The following MPP1 variants were observed in gnomAD, a reference collection of about 807,000 sequenced individuals.
The protein encoded by MPP1 is MAGUK p55 scaffold protein 1.
A neutral mutation model predicts 38.2 loss-of-function variants in MPP1; 6 were observed. That is an observed-to-expected ratio of 0.16 (90% CI 0.09 to 0.31). The LOEUF is 0.31. Among genes scored for constraint, MPP1 ranks in the 10% least tolerant of loss-of-function variants. The probability of loss-of-function intolerance (pLI) is 1.00; values close to 1 mark genes in which losing one functional copy is unlikely to be tolerated. For synonymous variants in MPP1, 153 were observed against 146.3 expected, an observed-to-expected ratio of 1.05 and a Z score of -0.33; for missense variants, 293 against 368.9, an observed-to-expected ratio of 0.79 and a Z score of 1.69.
rs782635278 is a variant in MPP1, at chrX:154,779,233, C to T, written c.1345G>A (p.Ala449Thr). 1 of 1,211,780 alleles carries T rather than the reference C, an allele frequency of 8.3e-7. No individual in the cohort carries two copies. The highest frequency in any genetic ancestry group is 1.1e-6 in the Non-Finnish European group (1 of 895,505). The change falls in exon 12 of 12, where the codon GCC (alanine) becomes ACC (threonine). Residue 449 changes from alanine (A) to threonine (T), a missense_variant. Ala to Thr is a moderately conservative substitution (Grantham distance 58). Transcript: ENST00000369534. ...VDETLKKLQE[A>T]FDQACSSPQW... is the part of the protein sequence containing the mutation. ...GGAGAACTGCACGCTTGGTCGAAGG[C>T]TTCTTGTAATTTCTTAAGGGTTTCA...
chrX:154,794,247 TAC>T (rs1557267984), intron 1 of MPP1, among the ~76,000 whole-genome samples: 1 of 111,619 alleles, frequency 9.0e-6, no homozygotes, highest in Non-Finnish European at 1.9e-5. Flanking sequence ...TGGCTACTGC[TAC>T]ACCACTCCAT....
chrX:154,789,842 T>C (rs2072120178), intron 5 of MPP1, 112 bp downstream of exon 5: 3 of 510,451 alleles, frequency 5.9e-6, no homozygotes, highest in Non-Finnish European at 6.5e-6. Flanking sequence ...ACTTGCGAGA[T>C]ACTTAGAACT....
chrX:154,779,370 C>T lies in MPP1; in HGVS notation c.1225-17G>A. On this transcript the variant is annotated splice_polypyrimidine_tract_variant and intron_variant, in intron 11 of 11. Coordinates refer to ENST00000369534, the MANE Select transcript of MPP1 (RefSeq NM_002436.4). ...GGCTTCTGTCTGCAAAGAAGAAAGC[C>T]ACAGATGAAGCAAGCTGCACCACCC... The T allele has an allele frequency of 8.4e-7, 1 of 1,197,455 alleles. No individual in the cohort carries two copies. Among genetic ancestry groups the T allele is most frequent in the East Asian group, 3.0e-5 (1 of 33,719 alleles).
chrX:154,804,712 G>T lies in MPP1; in HGVS notation c.102+560C>A, dbSNP rs185393893. 4.3e-4 allele frequency: 148 copies of T among 340,670 alleles called. 1 individual carries two copies. The highest frequency in any genetic ancestry group is 3.6e-3 in the African/African-American group (135 of 37,660). 28.1% of individuals were successfully genotyped at this position (340,670 alleles called of 1,213,427 possible). The stretch of plus-strand genomic sequence containing the variant: ...CACAACCTACCCTTAGGGCATCTTT[G>T]AGGACGGAGGTTAATAGCTATTTAC... On this transcript the variant is annotated intron_variant, in intron 1 of 11. Transcript: ENST00000369534.
chrX:154,789,050 G>A (rs1243727072), intron 5 of MPP1, among the ~76,000 whole-genome samples: 6 of 111,556 alleles, frequency 5.4e-5, no homozygotes, highest in African/African-American at 1.6e-4. Flanking sequence ...GTGAGGGGGC[G>A]GCGGTCTTAG....
intron 1 of MPP1, among the ~76,000 whole-genome samples, chrX:154,796,158 T>A (rs782555313): frequency 4.6e-4 from 50 of 107,807 alleles, no homozygotes; most frequent in African/African-American, 1.6e-3. Context: ...TGAGAAAGAG[T>A]CTCACTCTGT....
chrX:154,796,637 T>C (rs1421834724), intron 1 of MPP1, among the ~76,000 whole-genome samples: 1 of 112,259 alleles, frequency 8.9e-6, no homozygotes, highest in Non-Finnish European at 1.9e-5. Context: ...CCAGTTATAA[T>C]AATCTAAAAA....
rs879979471 is a variant in MPP1 at position 154,783,361 on chromosome X, G to A, written c.946+66C>T. On this transcript the variant is annotated intron_variant, in intron 9 of 11. Transcript: ENST00000369534. ...TTAAAAAATAATAAAATAACACTAT[G>A]GTATTTCAGATGGCGAGTGGTACCA... is the stretch of plus-strand genomic sequence containing the variant. 3 of 598,380 alleles carry A rather than the reference G, an allele frequency of 5.0e-6. No homozygotes were observed. The South Asian group carries it at 1.3e-4, about 25-fold the overall frequency. 49.3% of individuals were successfully genotyped at this position (598,380 alleles called of 1,213,427 possible).
At position 154,783,452 on chromosome X, in the gene MPP1, C is replaced by T. The variant is rs1557266850; in HGVS notation, c.921G>A (p.Pro307=). ...ATGGGACAGGGTACACAAACTTCTC[C>T]GGATTCTGGCTGAGCAGGGCATTCT... ...HIKNALLSQN[P]EKFVYPVPYT... The change falls in exon 9 of 12, where the codon CCG becomes CCA. Residue 307 remains proline (P), a synonymous_variant. Coordinates refer to ENST00000369534, the MANE Select transcript of MPP1 (RefSeq NM_002436.4). 9.1e-6 allele frequency: 11 copies of T among 1,208,165 alleles called. No homozygotes were observed. The highest frequency in any genetic ancestry group is 5.9e-5 in the East Asian group (2 of 33,779).
In MPP1 at chrX:154,805,408, G is replaced by A. The variant is rs782495222; in HGVS notation, c.-35C>T. ...GCTGGAACACTGGAACGCAAGACAG[G>A]GCAGCGCTGGGAATGACAGGGCCCG... On this transcript the variant is annotated 5_prime_UTR_variant, in exon 1 of 12. Coordinates refer to ENST00000369534, the MANE Select transcript of MPP1 (RefSeq NM_002436.4). 6.1e-6 allele frequency: 7 copies of A among 1,143,722 alleles called. No individual in the cohort carries two copies. Among genetic ancestry groups the A allele is most frequent in the Non-Finnish European group, 7.1e-6 (6 of 849,274 alleles). The allele number at this position is 1,143,722 out of a possible 1,213,427, so 94.3% of individuals were successfully genotyped here.
chrX:154,780,716 C>T (rs1246523705), intron 11 of MPP1, among the ~76,000 whole-genome samples: 2 of 111,408 alleles, frequency 1.8e-5, no homozygotes, highest in East Asian at 2.8e-4. Flanking sequence ...GAAGACCAAG[C>T]AGCTATAGAG....
intron 1 of MPP1, among the ~76,000 whole-genome samples, chrX:154,798,788 G>A (rs782368333): frequency 5.4e-5 from 6 of 111,560 alleles, no homozygotes; most frequent in African/African-American, 1.6e-4. Flanking sequence ...AGGCTGGAGT[G>A]CAATGGCACG....
chrX:154,791,066 AGCC>A lies in MPP1; in HGVS notation c.326-1_327del. ...AGGATCTCATCCCCCACGTGAAGGG[AGCC>A]TGCCATGAAATGAAAAATCAATCCA... is the stretch of plus-strand genomic sequence containing the variant. On this transcript the variant is annotated splice_acceptor_variant and coding_sequence_variant, in exon 4 of 12. Coordinates refer to ENST00000369534, the MANE Select transcript of MPP1 (RefSeq NM_002436.4). LOFTEE classifies it high-confidence loss of function. 1 of 1,206,777 alleles carries A rather than the reference AGCC, an allele frequency of 8.3e-7. No individual in the cohort carries two copies. The highest frequency in any genetic ancestry group is 1.1e-6 in the Non-Finnish European group (1 of 892,378).
At chrX:154,792,625 G>T (rs1973263518) in intron 1 of MPP1, among the ~76,000 whole-genome samples, 1 of 110,900 alleles carries the variant, frequency 9.0e-6, no homozygotes, top group South Asian at 3.8e-4. Context: ...CCTGGATCCT[G>T]CTTGGGGTAT....
Position 154,779,095 on chromosome X carries a change from A to G in MPP1, c.*82T>C. The stretch of plus-strand genomic sequence containing the variant: ...AAGCTGACACAAAACTAGTTGGAGC[A>G]GCCCTGTTTGTCTTAAAGCAAGGCG... On this transcript the variant is annotated 3_prime_UTR_variant, in exon 12 of 12. Transcript: ENST00000369534. 1.1e-6 allele frequency: 1 copy of G among 945,929 alleles called. No individual in the cohort carries two copies. The highest frequency in any genetic ancestry group is 3.1e-5 in the East Asian group (1 of 32,043). 78.0% of individuals were successfully genotyped at this position (945,929 alleles called of 1,213,427 possible).
chrX:154,785,597 T>G (rs1476520804), intron 6 of MPP1, among the ~76,000 whole-genome samples: 2 of 112,297 alleles, frequency 1.8e-5, no homozygotes, highest in African/African-American at 6.5e-5. Context: ...ACATGTAATA[T>G]ATTCTAATAT....
intron 11 of MPP1, among the ~76,000 whole-genome samples, chrX:154,780,980 C>T (rs895629051): frequency 1.7e-4 from 19 of 112,369 alleles, no homozygotes. Flanking sequence ...TCCATCTCTG[C>T]CCCTGGAACT....
intron 1 of MPP1, among the ~76,000 whole-genome samples, chrX:154,792,715 C>G (rs1348103714): frequency 9.1e-6 from 1 of 110,280 alleles, no homozygotes; most frequent in Admixed American, 9.6e-5. Context: ...ATGTTCTCTT[C>G]TCCTTTGTAT....
At chrX:154,789,794 G>C (rs1484923918) in intron 5 of MPP1, among the ~76,000 whole-genome samples, 160 bp downstream of exon 5, 4 of 111,344 alleles carry the variant, frequency 3.6e-5, no homozygotes, top group African/African-American at 1.3e-4. Context: ...TTTTATACCA[G>C]GCAGGGAATA....
Sources: gnomAD v4.1 joint callset for allele counts (sites outside exome capture counted in the v4.1 genomes callset) on GRCh38, gnomAD v4.1.1 for gene constraint, MANE v1.5 for transcripts, NCBI Gene and HGNC (gene_info 2026-07-23, HGNC 2026-07-21) for gene names.